RPS6KC1: variants seen among roughly 807,000 people sequenced by gnomAD.
RPS6KC1 encodes the protein ribosomal protein S6 kinase C1.
A neutral mutation model predicts 103.8 loss-of-function variants in RPS6KC1; 54 were observed. The ratio of observed to expected loss-of-function variants is 0.52; its 90% CI spans 0.42 to 0.65. The LOEUF is 0.65. Among genes scored for constraint, RPS6KC1 ranks in the 30% least tolerant of loss-of-function variants. The pLI is 0.00. For missense variants in RPS6KC1, 1,151 were observed against 1,253.8 expected, an observed-to-expected ratio of 0.92 and a Z score of 1.24; for synonymous variants, 439 against 438.7, an observed-to-expected ratio of 1.00 and a Z score of -0.01.
the RPS6KC1 span, among the ~76,000 whole-genome samples, chr1:213,662,611 A>T: frequency 2.0e-5 from 3 of 152,044 alleles, no homozygotes. Flanking sequence ...GACTTTAATC[A>T]TAGCTCCCCT....
downstream of RPS6KC1, among the ~76,000 whole-genome samples, chr1:213,276,358 A>G (rs1021441407): frequency 1.3e-5 from 2 of 152,200 alleles, no homozygotes; most frequent in African/African-American, 2.4e-5. Context: ...AAACTCTGGT[A>G]TATCTAAATG....
At chr1:213,251,493 G>A (rs9429901) in intron 12 of RPS6KC1, among the ~76,000 whole-genome samples, 41,032 of 152,112 alleles carry the variant, frequency 0.27, 6,375 homozygotes, top group East Asian at 0.4. Context: ...TGCATGGGGA[G>A]CACTGGAAGG....
chr1:213,745,453 G>A, the RPS6KC1 span, among the ~76,000 whole-genome samples: 1 of 152,028 alleles, frequency 6.6e-6, no homozygotes, highest in Non-Finnish European at 1.5e-5. Flanking sequence ...TCAATTTAGA[G>A]GGGGAAAAGG....
chr1:213,763,666 T>A, the RPS6KC1 span, among the ~76,000 whole-genome samples: 2 of 152,196 alleles, frequency 1.3e-5, no homozygotes, highest in African/African-American at 4.8e-5. Context: ...AAACTTCTGG[T>A]TGCTAGGATG....
At chr1:213,550,440 T>C in the RPS6KC1 span, among the ~76,000 whole-genome samples, 3 of 152,150 alleles carry the variant, frequency 2.0e-5, no homozygotes, top group South Asian at 2.1e-4. Context: ...ATTGAGATCA[T>C]TTCAATATGT....
At chr1:213,714,052 G>A in the RPS6KC1 span, among the ~76,000 whole-genome samples, 1 of 152,198 alleles carries the variant, frequency 6.6e-6, no homozygotes, top group African/African-American at 2.4e-5. Context: ...AGTGTATAGT[G>A]GTTAAGACTT....
In RPS6KC1 at chr1:213,259,281, C is replaced by T. The variant is rs183923521; in HGVS notation, c.2912-2277C>T. 5.9e-5 allele frequency among the ~76,000 whole-genome samples: 9 copies of T among 152,250 alleles called. No individual in the cohort carries two copies. In the East Asian group the frequency reaches 7.7e-4, roughly 13 times the overall value. On this transcript the variant is annotated intron_variant, in intron 12 of 14. Transcript: ENST00000366960. ...TAGGTAATAAAAAAATCTCACTGGC[C>T]GGGTGCGGTGGCTCATGCCTGTAAT...
chr1:213,214,053 G>A (rs1450942763), intron 8 of RPS6KC1, among the ~76,000 whole-genome samples: 3 of 152,244 alleles, frequency 2.0e-5, no homozygotes, highest in Non-Finnish European at 4.4e-5. Flanking sequence ...GCAGCGCACC[G>A]AGCATGAGCC....
the RPS6KC1 span, among the ~76,000 whole-genome samples, chr1:213,718,425 C>A: frequency 6.6e-6 from 1 of 152,318 alleles, no homozygotes; most frequent in Non-Finnish European, 1.5e-5. Context: ...GTTATTCACC[C>A]TTTTCCAGAC....
At chr1:213,193,859 T>C (rs1190812627) in intron 8 of RPS6KC1, among the ~76,000 whole-genome samples, 2 of 151,558 alleles carry the variant, frequency 1.3e-5, no homozygotes, top group Non-Finnish European at 2.9e-5. Context: ...AACTCCTGGA[T>C]TCAAGCGATC....
chr1:213,426,983 A>G, the RPS6KC1 span, among the ~76,000 whole-genome samples: 2 of 152,204 alleles, frequency 1.3e-5, no homozygotes, highest in African/African-American at 2.4e-5. Flanking sequence ...ATAAAAGGCA[A>G]GTTTGTTCCT....
rs533269129 is a variant in RPS6KC1, at chr1:213,241,202, G to T, written c.1726G>T (p.Asp576Tyr). ...RAHELKFFPN[D>Y]DPEAVSSPRT... ...TCACGAGCTGAAGTTCTTCCCCAAC[G>T]ATGACCCAGAAGCAGTTAGTTCTCC... The change falls in exon 11 of 15, where the codon GAT becomes TAT. Residue 576 changes from aspartate to tyrosine, a missense_variant. Physicochemically the swap from Asp to Tyr is radical, Grantham distance 160. This residue lies in a region of RPS6KC1 where 959 missense variants were observed against 1,006.3 expected (regional missense o/e 0.95). Coordinates refer to ENST00000366960, the MANE Select transcript of RPS6KC1 (RefSeq NM_012424.6). 2.8e-5 allele frequency: 45 copies of T among 1,613,690 alleles called. No homozygotes were observed. In the South Asian group the frequency reaches 4.6e-4, roughly 17 times the overall value.
the RPS6KC1 span, among the ~76,000 whole-genome samples, chr1:213,465,561 C>G: frequency 6.6e-6 from 1 of 152,082 alleles, no homozygotes; most frequent in African/African-American, 2.4e-5. Flanking sequence ...CTAGGTGTGT[C>G]TCTCATAAAC....
the RPS6KC1 span, among the ~76,000 whole-genome samples, chr1:213,681,821 A>G: frequency 6.6e-6 from 1 of 152,076 alleles, no homozygotes; most frequent in African/African-American, 2.4e-5. Context: ...ATTAGAATAC[A>G]TGTGTATATG....
the RPS6KC1 span, among the ~76,000 whole-genome samples, chr1:213,568,776 A>T: frequency 1.3e-5 from 2 of 152,218 alleles, no homozygotes; most frequent in African/African-American, 4.8e-5. Context: ...GCCTCACTCC[A>T]AAGCTGGGGC....
chr1:213,205,571 A>ATATATAT (rs2093326778), intron 8 of RPS6KC1, among the ~76,000 whole-genome samples: 1 of 52,218 alleles, frequency 1.9e-5, no homozygotes, highest in Non-Finnish European at 4.4e-5. Flanking sequence ...TATATATTTC[A>ATATATAT]AAAGAATGTA....
the RPS6KC1 span, among the ~76,000 whole-genome samples, chr1:213,416,639 C>T: frequency 1.3e-5 from 2 of 152,218 alleles, no homozygotes; most frequent in East Asian, 1.9e-4. Flanking sequence ...TGTCACAGTC[C>T]CACTGCCACA....
chr1:213,219,795 C>T (rs1012196934), intron 8 of RPS6KC1, among the ~76,000 whole-genome samples: 3 of 137,748 alleles, frequency 2.2e-5, no homozygotes, highest in Non-Finnish European at 3.0e-5. Flanking sequence ...ATTCATAGGT[C>T]GAATTGAACA....
At chr1:213,552,102 A>G in the RPS6KC1 span, among the ~76,000 whole-genome samples, 1 of 152,214 alleles carries the variant, frequency 6.6e-6, no homozygotes, top group African/African-American at 2.4e-5. Flanking sequence ...CCATTCACCT[A>G]CTGAAGGACA....
Sources: allele counts gnomAD v4.1 joint callset (sites outside exome capture counted in the v4.1 genomes callset), GRCh38; gene constraint gnomAD v4.1.1; regional missense constraint gnomAD v4.1.1; transcripts MANE v1.5; gene names NCBI Gene and HGNC (gene_info 2026-07-23, HGNC 2026-07-21).